CAMTA1: variants seen among roughly 807,000 people sequenced by gnomAD.
CAMTA1 encodes the protein calmodulin binding transcription activator 1.
In CAMTA1, 27 loss-of-function variants were observed where a neutral mutation model predicts 170.9. The ratio of observed to expected loss-of-function variants is 0.16; its 90% CI spans 0.12 to 0.22. The LOEUF (loss-of-function observed/expected upper bound fraction) is 0.22. Ranked by LOEUF, CAMTA1 falls within the 10% of genes least tolerant of loss-of-function variation. The pLI is 1.00. For synonymous variants in CAMTA1, 833 were observed against 891.5 expected (o/e 0.93, Z 1.17); for missense variants, 1,619 against 2,217.2 (o/e 0.73, Z 5.42).
chr1:6,952,653 C>T (rs1454699368), intron 3 of CAMTA1, among the ~76,000 whole-genome samples: 2 of 151,274 alleles, frequency 1.3e-5, no homozygotes, highest in East Asian at 2.0e-4. Context: ...GCCAACATGG[C>T]GAAACCCTGT....
chr1:7,534,787 T>C lies in CAMTA1; in HGVS notation c.510+66886T>C, dbSNP rs1431385154. On this transcript the variant is annotated intron_variant, in intron 6 of 22. Coordinates refer to ENST00000303635, the MANE Select transcript of CAMTA1 (RefSeq NM_015215.4). This position sits in a 1 kb window ranked among gnomAD's most constrained non-coding sequence, Gnocchi z 5.6. ...GGTCAGTTTGGGGTTCCACTAGCAG[T>C]CCTCAACTTTAGAGAAAGGCCAGCG... 6.6e-6 allele frequency among the ~76,000 whole-genome samples: 1 copy of C among 152,116 alleles called. No individual in the cohort carries two copies. Among genetic ancestry groups the C allele is most frequent in the African/African-American group, 2.4e-5 (1 of 41,410 alleles).
intron 4 of CAMTA1, among the ~76,000 whole-genome samples, chr1:7,171,222 G>T (rs187838180): frequency 7.2e-4 from 110 of 152,298 alleles, no homozygotes; most frequent in African/African-American, 2.6e-3. Flanking sequence ...GTTCAAGAAA[G>T]GTTGGACCCA....
intron 5 of CAMTA1, among the ~76,000 whole-genome samples, chr1:7,320,963 C>T (rs2149683153): frequency 6.6e-6 from 1 of 152,306 alleles, no homozygotes; most frequent in South Asian, 2.1e-4. Flanking sequence ...AACTTGGACT[C>T]TGTGCCAAAC....
At chr1:7,755,552 T>C in intron 21 of CAMTA1, 86 bp from the exon 22 acceptor site, 2 of 1,062,202 alleles carry the variant, frequency 1.9e-6, no homozygotes. Context: ...GTTATATTCT[T>C]TTTTGTTGAA....
rs999296835 is a variant in CAMTA1, at chr1:7,635,690, T to G, written c.511-4710T>G. The stretch of plus-strand genomic sequence containing the variant: ...CTCAGATCCAGGCCCAACCCGGGCA[T>G]TCCTGCAGGCCGCCCTGCTGAGCTG... On this transcript the variant is annotated intron_variant, in intron 6 of 22. Coordinates refer to ENST00000303635, the MANE Select transcript of CAMTA1 (RefSeq NM_015215.4). The surrounding 1 kb of genome is among the most constrained non-coding windows in gnomAD (Gnocchi z 4.4). Among the ~76,000 whole-genome samples, 2 of 151,676 alleles carry G rather than the reference T, an allele frequency of 1.3e-5. No individual in the cohort carries two copies. The highest frequency in any genetic ancestry group is 4.9e-5 in the African/African-American group (2 of 41,228).
At chr1:7,661,546 C>T (rs1056947073) in intron 7 of CAMTA1, among the ~76,000 whole-genome samples, 180 bp from the exon 8 acceptor site, 1 of 152,158 alleles carries the variant, frequency 6.6e-6, no homozygotes, top group Admixed American at 6.5e-5. Context: ...GGGGGTCTGG[C>T]GGGGGCAGCC....
intron 3 of CAMTA1, among the ~76,000 whole-genome samples, chr1:6,973,186 G>C (rs1005068637): frequency 6.6e-5 from 10 of 152,198 alleles, no homozygotes; most frequent in Admixed American, 5.2e-4. Context: ...AACATGTGTT[G>C]CTATCTTTAG....
chr1:7,477,104 G>A (rs1390440676), intron 6 of CAMTA1, among the ~76,000 whole-genome samples: 1 of 152,170 alleles, frequency 6.6e-6, no homozygotes, highest in Non-Finnish European at 1.5e-5. Flanking sequence ...CGGTGCCCCA[G>A]GTAGGAGGAA....
In CAMTA1 at chr1:7,224,579, G is replaced by A. The variant is rs1045506622; in HGVS notation, c.303-24912G>A. ...GGTTTTATTTTTAAATGTCATCATC[G>A]TTTTGTACAGGAGCACAAAACTCAT... On this transcript the variant is annotated intron_variant, in intron 4 of 22. Coordinates refer to ENST00000303635, the MANE Select transcript of CAMTA1 (RefSeq NM_015215.4). This position sits in a 1 kb window ranked among gnomAD's most constrained non-coding sequence, Gnocchi z 5.2. 3.3e-5 allele frequency among the ~76,000 whole-genome samples: 5 copies of A among 152,198 alleles called. No individual in the cohort carries two copies. The highest frequency in any genetic ancestry group is 2.1e-4 in the South Asian group (1 of 4,822).
intron 5 of CAMTA1, among the ~76,000 whole-genome samples, chr1:7,353,920 T>C (rs1163666828): frequency 1.3e-5 from 2 of 152,018 alleles, no homozygotes; most frequent in Non-Finnish European, 2.9e-5. Flanking sequence ...ACCCTCCACC[T>C]ACAAGTGGGC....
At chr1:7,600,940 C>A (rs988418118) in intron 6 of CAMTA1, among the ~76,000 whole-genome samples, 1 of 151,748 alleles carries the variant, frequency 6.6e-6, no homozygotes, top group Non-Finnish European at 1.5e-5. Context: ...CCTTTCCCCC[C>A]TTTCTATTCC....
intron 3 of CAMTA1, among the ~76,000 whole-genome samples, chr1:6,841,719 T>C (rs1233395617): frequency 6.6e-6 from 1 of 152,126 alleles, no homozygotes; most frequent in Non-Finnish European, 1.5e-5. Flanking sequence ...ATTAGTGTAG[T>C]GTCTACTGGA....
intron 5 of CAMTA1, among the ~76,000 whole-genome samples, chr1:7,408,080 C>G (rs1014297367): frequency 5.3e-5 from 8 of 152,196 alleles, no homozygotes; most frequent in Admixed American, 2.6e-4. Context: ...TGGGTGCTCT[C>G]TGTCCCGCCT....
chr1:7,764,317 T>C (rs1453087953), intron 22 of CAMTA1, among the ~76,000 whole-genome samples: 1 of 152,216 alleles, frequency 6.6e-6, no homozygotes. Context: ...AGAGATACAC[T>C]GTTTGTCACT....
Position 6,987,902 on chromosome 1 carries a change from C to T in CAMTA1, c.235-103402C>T, listed in dbSNP as rs148829161. Among the ~76,000 whole-genome samples the T allele has an allele frequency of 7.2e-3, 1,089 of 152,196 alleles. 13 individuals are homozygous for T. Among genetic ancestry groups the T allele is most frequent in the South Asian group, 0.042 (203 of 4,812 alleles). The stretch of plus-strand genomic sequence containing the variant: ...TCATGGTCCCCAGGTGGGCATCATC[C>T]GCAGCAAGAGCCGGCGTCTGTCATC... On this transcript the variant is annotated intron_variant, in intron 3 of 22. Coordinates refer to ENST00000303635, the MANE Select transcript of CAMTA1 (RefSeq NM_015215.4).
chr1:7,438,354 A>G (rs1259790883), intron 5 of CAMTA1, among the ~76,000 whole-genome samples: 2 of 152,182 alleles, frequency 1.3e-5, no homozygotes, highest in Non-Finnish European at 1.5e-5. Flanking sequence ...GGAGTCTTTT[A>G]AATCCTTTGA....
intron 4 of CAMTA1, among the ~76,000 whole-genome samples, chr1:7,172,211 G>A (rs532636200): frequency 1.3e-5 from 2 of 151,858 alleles, no homozygotes; most frequent in Admixed American, 6.6e-5. Flanking sequence ...GTGCAGTGGC[G>A]CTATCTTGCC....
chr1:7,203,987 A>G (rs1233259360), intron 4 of CAMTA1, among the ~76,000 whole-genome samples: 1 of 148,018 alleles, frequency 6.8e-6, no homozygotes, highest in East Asian at 1.9e-4. Flanking sequence ...GCCCGCCACC[A>G]TGCCCGGCTA....
rs957452384 is a variant in CAMTA1, at chr1:7,300,821, T to G, written c.438+51195T>G. 2.6e-5 allele frequency among the ~76,000 whole-genome samples: 4 copies of G among 152,232 alleles called. No individual in the cohort carries two copies. The highest frequency in any genetic ancestry group is 2.6e-4 in the Admixed American group (4 of 15,288). On this transcript the variant is annotated intron_variant, in intron 5 of 22. Transcript: ENST00000303635. This position sits in a 1 kb window ranked among gnomAD's most constrained non-coding sequence, Gnocchi z 4.1. ...TGGTTTAAAGTGATTCCAGAGCAAC[T>G]TTATTTCCATAGTCTGTGTTGCACT... is the stretch of plus-strand genomic sequence containing the variant.
Sources: allele counts gnomAD v4.1 joint callset (sites outside exome capture counted in the v4.1 genomes callset), GRCh38; gene constraint gnomAD v4.1.1; non-coding constraint Gnocchi (gnomAD v3.1); transcripts MANE v1.5; gene names NCBI Gene and HGNC (gene_info 2026-07-23, HGNC 2026-07-21).